The following KPNA7 variants were observed in gnomAD, a reference collection of about 807,000 sequenced individuals.
KPNA7 encodes the protein importin subunit alpha-8.
In KPNA7, 54 loss-of-function variants were observed where a neutral mutation model predicts 53.7. The observed-to-expected ratio is 1.01, with a 90% CI of 0.81 to 1.26. The LOEUF (loss-of-function observed/expected upper bound fraction) is 1.26, where lower values mean the gene tolerates loss of function less well. KPNA7 is among the 50% of genes most tolerant of loss of function. KPNA7 has a pLI of 0.00. For synonymous variants in KPNA7, 276 were observed against 259.3 expected (o/e 1.06, Z -0.62); for missense variants, 640 against 644.5 (o/e 0.99, Z 0.07).
At chr7:99,175,557 C>T (rs1311099682) in intron 10 of KPNA7, among the ~76,000 whole-genome samples, 1 of 150,892 alleles carries the variant, frequency 6.6e-6, no homozygotes, top group Non-Finnish European at 1.5e-5. Context: ...GCTCTGTTGC[C>T]CAGGCTGGAA....
chr7:99,185,089 C>A lies in KPNA7; in HGVS notation c.974G>T (p.Gly325Val). Residue 325 changes from glycine (G) to valine (V), a missense_variant, in exon 8 of 11, where the codon GGT (glycine) becomes GTT (valine). Physicochemically the swap from Gly to Val is moderately radical, Grantham distance 109 (BLOSUM62 -3). Coordinates refer to ENST00000327442, the MANE Select transcript of KPNA7 (RefSeq NM_001145715.3). ...DEQTQMAIDA[G>V]MLNVLPQLLQ... is the part of the protein sequence containing the mutation. ...GAGCTGGGGGAGCACGTTCAGCATA[C>A]CCGCATCAATGGCCATCTGCGTCTG... The A allele has an allele frequency of 6.4e-7, 1 of 1,551,996 alleles. No individual in the cohort carries two copies. Among genetic ancestry groups the A allele is most frequent in the Non-Finnish European group, 8.7e-7 (1 of 1,147,056 alleles).
At chr7:99,162,764 A>G in the KPNA7 span, among the ~76,000 whole-genome samples, 4 of 152,262 alleles carry the variant, frequency 2.6e-5, no homozygotes, top group South Asian at 2.1e-4. Context: ...TTTTTTCTCA[A>G]AGACCTATCT....
chr7:99,148,441 G>A, the KPNA7 span, among the ~76,000 whole-genome samples: 1 of 152,138 alleles, frequency 6.6e-6, no homozygotes, highest in Non-Finnish European at 1.5e-5. Flanking sequence ...AAACCTCTTT[G>A]ACAATCTGAT....
At position 99,185,172 on chromosome 7, in the gene KPNA7, C is replaced by T. The variant is rs1435118052; in HGVS notation, c.901-10G>A. ...TGCGGAGAGAAGGAGTCTGGAAGAGCAAGGCTAGAAGTCTAAGTATTTCAA... is the reference window on the plus strand; with the variant it reads ...TGCGGAGAGAAGGAGTCTGGAAGAGTAAGGCTAGAAGTCTAAGTATTTCAA... On this transcript the variant is annotated splice_polypyrimidine_tract_variant and intron_variant, in intron 7 of 10. Transcript: ENST00000327442. 6.5e-7 allele frequency: 1 copy of T among 1,537,216 alleles called. No individual in the cohort carries two copies. Among genetic ancestry groups the T allele is most frequent in the Non-Finnish European group, 8.8e-7 (1 of 1,133,484 alleles).
At chr7:99,197,351 A>G (rs149496888) in intron 3 of KPNA7, among the ~76,000 whole-genome samples, 33 of 152,322 alleles carry the variant, frequency 2.2e-4, no homozygotes, top group Admixed American at 5.9e-4. Context: ...CCCAGCAACA[A>G]CAGCAAACCC....
rs1025865417 is a variant in KPNA7 at position 99,196,060 on chromosome 7, C to T, written c.284+24G>A. 6 of 1,544,098 alleles carry T rather than the reference C, an allele frequency of 3.9e-6. No homozygotes were observed. In the African/African-American group the frequency reaches 8.2e-5, roughly 21 times the overall value. On this transcript the variant is annotated intron_variant, in intron 4 of 10. Transcript: ENST00000327442. ...CTCATTGCTAACTATGAACCTGCAA[C>T]AGCAGAAGTCTGTTTGGAGATACCT... is the stretch of plus-strand genomic sequence containing the variant.
intron 6 of KPNA7, among the ~76,000 whole-genome samples, chr7:99,190,926 A>ATC (rs1789916250): frequency 6.6e-6 from 1 of 151,986 alleles, no homozygotes; most frequent in African/African-American, 2.4e-5. Flanking sequence ...AGCAAGGTAC[A>ATC]TCTGTCAATC....
chr7:99,203,083 T>C, intron 3 of KPNA7, 23 bp downstream of exon 3: 1 of 1,548,538 alleles, frequency 6.5e-7, no homozygotes, highest in Non-Finnish European at 8.7e-7. Context: ...TGCCCAAGAC[T>C]ACTCTAAACA....
upstream of KPNA7, among the ~76,000 whole-genome samples, chr7:99,212,925 A>C (rs899969888): frequency 6.6e-6 from 1 of 151,956 alleles, no homozygotes; most frequent in Admixed American, 6.6e-5. Context: ...AATCATTGCT[A>C]TTGATCACAG....
rs1018268488 is a variant in KPNA7, at chr7:99,188,468, C to G, written c.732G>C (p.Pro244=). The change falls in exon 7 of 11, where the codon CCG becomes CCC. Residue 244 remains proline (P), a synonymous_variant. Coordinates refer to ENST00000327442, the MANE Select transcript of KPNA7 (RefSeq NM_001145715.3). The part of the protein sequence containing the change: ...PCDTAVKQIL[P]ALLHLLQHQD... ...GGTGCTGCAGGAGGTGAAGGAGGGC[C>G]GGCAGTATCTGCTTCACCGCAGTGT... 2 of 1,551,680 alleles carry G rather than the reference C, an allele frequency of 1.3e-6. No individual in the cohort carries two copies. Among genetic ancestry groups the G allele is most frequent in the South Asian group, 2.4e-5 (2 of 84,060 alleles).
At chr7:99,147,053 A>T in the KPNA7 span, among the ~76,000 whole-genome samples, 3 of 152,212 alleles carry the variant, frequency 2.0e-5, no homozygotes, top group Non-Finnish European at 4.4e-5. Context: ...CCACAGCTGC[A>T]CAAAGGGGAC....
chr7:99,204,428 A>T (rs904627338), intron 2 of KPNA7, among the ~76,000 whole-genome samples: 2 of 152,028 alleles, frequency 1.3e-5, no homozygotes, highest in East Asian at 3.9e-4. Flanking sequence ...ATGTCAGTTA[A>T]TGACTCAAAC....
At chr7:99,177,800 T>G (rs955394567) in intron 10 of KPNA7, 120 bp downstream of exon 10, 10 of 972,598 alleles carry the variant, frequency 1.0e-5, no homozygotes. Flanking sequence ...GTGGCAGGAG[T>G]GAAGACCACC....
At chr7:99,154,134 CT>C in the KPNA7 span, among the ~76,000 whole-genome samples, 1,684 of 141,322 alleles carry the variant, frequency 0.012, 24 homozygotes, top group African/African-American at 0.037. Context: ...AGCTCACACA[CT>C]TTTTTTTTTT....
chr7:99,163,376 TATATA>T, the KPNA7 span, among the ~76,000 whole-genome samples: 70 of 68,034 alleles, frequency 1.0e-3, no homozygotes, highest in Admixed American at 1.8e-3. Flanking sequence ...TATATATATA[TATATA>T]TATTTTTTTT....
At chr7:99,146,635 T>A in the KPNA7 span, among the ~76,000 whole-genome samples, 1 of 135,964 alleles carries the variant, frequency 7.4e-6, no homozygotes, top group East Asian at 2.3e-4. Flanking sequence ...TCACTTAAAC[T>A]CGGGAGGCAG....
chr7:99,150,379 G>A, the KPNA7 span, among the ~76,000 whole-genome samples: 2 of 148,618 alleles, frequency 1.3e-5, no homozygotes, highest in Admixed American at 6.7e-5. Context: ...GATTACAGGC[G>A]CAGTGACATT....
chr7:99,199,717 C>G (rs1229303530), intron 3 of KPNA7, among the ~76,000 whole-genome samples: 3 of 152,102 alleles, frequency 2.0e-5, no homozygotes. Context: ...AAAACACAAA[C>G]AACCAAGAAA....
the KPNA7 span, among the ~76,000 whole-genome samples, chr7:99,161,222 A>ATTCTCT: frequency 2.7e-5 from 4 of 147,744 alleles, no homozygotes; most frequent in African/African-American, 1.0e-4. Flanking sequence ...ATGTACACAA[A>ATTCTCT]CTCTCTCTCT....
Sources: gnomAD v4.1 joint callset for allele counts (sites outside exome capture counted in the v4.1 genomes callset) on GRCh38, gnomAD v4.1.1 for gene constraint, MANE v1.5 for transcripts, NCBI Gene and HGNC (gene_info 2026-07-23, HGNC 2026-07-21) for gene names.